The following NEK11 variants were observed in gnomAD, a reference collection of about 807,000 sequenced individuals.
The protein encoded by NEK11 is NIMA related kinase 11, also known as serine/threonine-protein kinase Nek11.
A neutral mutation model predicts 80.7 loss-of-function variants in NEK11; 72 were observed. The ratio of observed to expected loss-of-function variants is 0.89; its 90% CI spans 0.74 to 1.08. The LOEUF is 1.08. Among genes scored for constraint, NEK11 ranks in the 50% least tolerant of loss-of-function variants. The probability of loss-of-function intolerance (pLI) is 0.00; values close to 1 mark genes in which losing one functional copy is unlikely to be tolerated. For missense variants in NEK11, 764 were observed against 763.6 expected, an observed-to-expected ratio of 1.00 and a Z score of -0.01; for synonymous variants, 251 against 260.7, an observed-to-expected ratio of 0.96 and a Z score of 0.36.
rs142819800 is a variant in NEK11, at chr3:131,042,801, C to T, written c.170+12923C>T. ...CCTCCACAAGTGGGTCCCTGACCCC[C>T]GTGCCTCCTGATGGGGAGACACCTT... On this transcript the variant is annotated intron_variant, in intron 3 of 17. Transcript: ENST00000383366. 5.0e-3 allele frequency among the ~76,000 whole-genome samples: 759 copies of T among 152,290 alleles called. 11 individuals are homozygous for T. Among genetic ancestry groups the T allele is most frequent in the African/African-American group, 0.017 (716 of 41,568 alleles).
rs772626096 is a variant in NEK11, at chr3:131,174,751, A to G, written c.1399+3864A>G. The G allele has an allele frequency of 1.9e-6, 3 of 1,605,720 alleles. No individual in the cohort carries two copies. In the South Asian group the frequency reaches 3.3e-5, roughly 18 times the overall value. ...TTCTTTGTACTCTAGCATTTGTTTT[A>G]TATTTTATTTTTTAGCAACTCACAG... On this transcript the variant is annotated intron_variant, in intron 14 of 17. Coordinates refer to ENST00000383366, the MANE Select transcript of NEK11 (RefSeq NM_024800.5).
intron 16 of NEK11, among the ~76,000 whole-genome samples, chr3:131,256,369 A>C (rs2095816839): frequency 6.6e-6 from 1 of 152,214 alleles, no homozygotes; most frequent in Non-Finnish European, 1.5e-5. Context: ...AATTTAAAAC[A>C]TTTTTAAGAG....
intron 3 of NEK11, among the ~76,000 whole-genome samples, chr3:131,078,929 T>A (rs929974635): frequency 6.7e-6 from 1 of 149,796 alleles, no homozygotes; most frequent in Non-Finnish European, 1.5e-5. Flanking sequence ...TTTTATATTA[T>A]TTTTTAGGAC....
At chr3:131,087,392 T>A (rs1013923692) in intron 4 of NEK11, among the ~76,000 whole-genome samples, 1 of 152,022 alleles carries the variant, frequency 6.6e-6, no homozygotes, top group Non-Finnish European at 1.5e-5. Flanking sequence ...TACTGGCGCG[T>A]GCCACCACGC....
At chr3:131,244,195 A>G (rs1398411611) in intron 16 of NEK11, among the ~76,000 whole-genome samples, 1 of 152,126 alleles carries the variant, frequency 6.6e-6, no homozygotes, top group Non-Finnish European at 1.5e-5. Flanking sequence ...GGGTAAAAAC[A>G]AACAATTAAG....
chr3:131,247,917 G>C (rs2095631980), intron 16 of NEK11, among the ~76,000 whole-genome samples: 1 of 151,270 alleles, frequency 6.6e-6, no homozygotes, highest in South Asian at 2.1e-4. Context: ...TTGGTGTACA[G>C]AAATGCCATA....
chr3:131,337,722 C>G (rs1561617299), intron 17 of NEK11, among the ~76,000 whole-genome samples: 1 of 152,034 alleles, frequency 6.6e-6, no homozygotes, highest in African/African-American at 2.4e-5. Context: ...AAGACAGTGA[C>G]TGGCCTACAG....
At chr3:131,254,890 G>A (rs981052848) in intron 16 of NEK11, among the ~76,000 whole-genome samples, 15 of 151,828 alleles carry the variant, frequency 9.9e-5, no homozygotes, top group Non-Finnish European at 1.9e-4. Context: ...CATTATGGCG[G>A]GTGCCTGTAA....
At chr3:131,248,992 T>G (rs762282480) in intron 16 of NEK11, among the ~76,000 whole-genome samples, 21 of 151,654 alleles carry the variant, frequency 1.4e-4, no homozygotes, top group Admixed American at 4.6e-4. Flanking sequence ...ATATCCAAAT[T>G]CCTTTCTAGG....
chr3:131,185,901 G>T (rs1189779726), intron 14 of NEK11, among the ~76,000 whole-genome samples: 1 of 152,018 alleles, frequency 6.6e-6, no homozygotes, highest in Non-Finnish European at 1.5e-5. Flanking sequence ...CTTACTTATG[G>T]CATTTACCAA....
intron 17 of NEK11, among the ~76,000 whole-genome samples, chr3:131,320,168 T>G (rs936888250): frequency 2.6e-5 from 4 of 151,846 alleles, no homozygotes; most frequent in Non-Finnish European, 5.9e-5. Context: ...ACAAAGAAAA[T>G]AAAAGAAAAA....
chr3:131,067,972 C>A (rs76903010), intron 3 of NEK11, among the ~76,000 whole-genome samples: 10 of 152,272 alleles, frequency 6.6e-5, no homozygotes, highest in African/African-American at 2.2e-4. Context: ...TCCACTCTTG[C>A]GGCCTCTCTG....
rs149665983 is a variant in NEK11, at chr3:131,207,171, A to G, written c.1400-21357A>G. On this transcript the variant is annotated intron_variant, in intron 14 of 17. Coordinates refer to ENST00000383366, the MANE Select transcript of NEK11 (RefSeq NM_024800.5). ...TAGTAGCACGATTTATAATCCTTTGAGTATATACCCAGTAATGGGATGGCT... is the reference window on the plus strand; with the variant it reads ...TAGTAGCACGATTTATAATCCTTTGGGTATATACCCAGTAATGGGATGGCT... Among the ~76,000 whole-genome samples the G allele has an allele frequency of 4.9e-3, 741 of 152,312 alleles. 3 individuals are homozygous for G. Among genetic ancestry groups the G allele is most frequent in the Middle Eastern group, 0.017 (5 of 294 alleles).
intron 16 of NEK11, among the ~76,000 whole-genome samples, chr3:131,271,592 C>T (rs531671185): frequency 1.6e-4 from 24 of 149,736 alleles, no homozygotes; most frequent in South Asian, 4.3e-4. Context: ...GTCAGGAGTT[C>T]GAGACTAGCC....
At chr3:131,349,298 A>G (rs1433837238) in intron 17 of NEK11, among the ~76,000 whole-genome samples, 5 of 152,192 alleles carry the variant, frequency 3.3e-5, no homozygotes, top group African/African-American at 4.8e-5. Context: ...ATATACACAC[A>G]CAAGGGCAGG....
chr3:131,100,074 G>T (rs534405666), intron 4 of NEK11, among the ~76,000 whole-genome samples: 1 of 152,184 alleles, frequency 6.6e-6, no homozygotes, highest in African/African-American at 2.4e-5. Context: ...TTGCCATTCA[G>T]TATGATGTTG....
At chr3:131,288,045 A>G (rs148236657) in intron 17 of NEK11, among the ~76,000 whole-genome samples, 2 of 152,222 alleles carry the variant, frequency 1.3e-5, no homozygotes, top group East Asian at 3.9e-4. Context: ...ACCACCACCA[A>G]TTTCTCCCCA....
chr3:131,219,520 C>T (rs560095850), intron 14 of NEK11, among the ~76,000 whole-genome samples: 3 of 148,422 alleles, frequency 2.0e-5, no homozygotes, highest in African/African-American at 7.5e-5. Flanking sequence ...AACAAACCTG[C>T]ATGTTCTGCA....
intron 14 of NEK11, among the ~76,000 whole-genome samples, chr3:131,177,601 CTT>C (rs2093104449): frequency 6.6e-6 from 1 of 152,192 alleles, no homozygotes; most frequent in Admixed American, 6.5e-5. Context: ...TACCAGGACT[CTT>C]TGACTAATCT....
Sources: allele counts gnomAD v4.1 joint callset (sites outside exome capture counted in the v4.1 genomes callset), GRCh38; gene constraint gnomAD v4.1.1; transcripts MANE v1.5; gene names NCBI Gene and HGNC (gene_info 2026-07-23, HGNC 2026-07-21).